The following OR5H15 variants were observed in gnomAD, a reference collection of about 807,000 sequenced individuals.
OR5H15 encodes olfactory receptor 5H15.
For synonymous variants in OR5H15, 153 were observed against 129.1 expected, an observed-to-expected ratio of 1.19 and a Z score of -1.26; for missense variants, 405 against 366.1, an observed-to-expected ratio of 1.11 and a Z score of -0.87.
Position 98,169,238 on chromosome 3 carries a change from A to G in OR5H15, c.539A>G (p.Asp180Gly). 4 of 1,611,542 alleles carry G rather than the reference A, an allele frequency of 2.5e-6. No individual in the cohort carries two copies. The highest frequency in any genetic ancestry group is 3.4e-6 in the Non-Finnish European group (4 of 1,178,224). Residue 180 changes from aspartate to glycine, a missense_variant, in exon 2 of 2, where the codon GAC becomes GGC. By Grantham distance (94) the Asp-to-Gly change is moderately conservative. Coordinates refer to ENST00000641450, the MANE Select transcript of OR5H15 (RefSeq NM_001005515.2). ...AACATAGTACATCACATTTACTGTGACACTATCCCATTGTCTAAGATTTCT... is the reference window on the plus strand; with the variant it reads ...AACATAGTACATCACATTTACTGTGGCACTATCCCATTGTCTAAGATTTCT... ...NSNIVHHIYC[D>G]TIPLSKISCT...
intron 1 of OR5H15, among the ~76,000 whole-genome samples, chr3:98,168,295 G>T (rs571054563): frequency 2.4e-4 from 36 of 151,886 alleles, no homozygotes; most frequent in Admixed American, 2.4e-3. Context: ...CATGCTTAAC[G>T]TATAAAGAAT....
In OR5H15 at chr3:98,169,100, C is replaced by A. The variant is rs528440606; in HGVS notation, c.401C>A (p.Ala134Asp). 2 of 1,608,744 alleles carry A rather than the reference C, an allele frequency of 1.2e-6. No homozygotes were observed. Among genetic ancestry groups the A allele is most frequent in the Non-Finnish European group, 1.7e-6 (2 of 1,179,468 alleles). The change falls in exon 2 of 2, where the codon GCC becomes GAC. Residue 134 changes from alanine to aspartate, a missense_variant. By Grantham distance (126) the Ala-to-Asp change is moderately radical (BLOSUM62 -2). Transcript: ENST00000641450. ...ATATGCAAACCTTTACTTTATCCAGCCATTATGACCAATGGACTGTGCATC... is the reference window on the plus strand; with the variant it reads ...ATATGCAAACCTTTACTTTATCCAGACATTATGACCAATGGACTGTGCATC... ...VAICKPLLYP[A>D]IMTNGLCIRL...
chr3:98,169,451 A>G lies in OR5H15; in HGVS notation c.752A>G (p.Tyr251Cys). 6.2e-7 allele frequency: 1 copy of G among 1,613,520 alleles called. No individual in the cohort carries two copies. Among genetic ancestry groups the G allele is most frequent in the Non-Finnish European group, 8.5e-7 (1 of 1,179,726 alleles). The change falls in exon 2 of 2, where the codon TAC becomes TGC. Residue 251 changes from tyrosine to cysteine, a missense_variant. Transcript: ENST00000641450. Reference sequence around the variant, plus strand: ...GCCCATCTCTTCTCTGTCTGTTTATACTATGGCCCCCTTCTCTTAATGTAT... The same window carrying G: ...GCCCATCTCTTCTCTGTCTGTTTATGCTATGGCCCCCTTCTCTTAATGTAT... ...CGAHLFSVCL[Y>C]YGPLLLMYVG...
chr3:98,169,043 T>A lies in OR5H15; in HGVS notation c.344T>A (p.Leu115Ter). The A allele has an allele frequency of 1.2e-6, 2 of 1,613,672 alleles. No homozygotes were observed. Among genetic ancestry groups the A allele is most frequent in the South Asian group, 1.1e-5 (1 of 91,074 alleles). The change falls in exon 2 of 2, where the codon TTG becomes TAG. Residue 115 changes from leucine (L) to a stop codon, truncating the protein, a stop_gained. Coordinates refer to ENST00000641450, the MANE Select transcript of OR5H15 (RefSeq NM_001005515.2). LOFTEE classifies it low-confidence loss of function (END_TRUNC). The part of the protein sequence containing the change: ...AIGVTTECFL[L>*]ATMAYDRYVA... ...GGCGTAACCACAGAATGTTTTCTCT[T>A]GGCAACAATGGCATATGATCGCTAT...
rs143179731 is a variant in OR5H15, at chr3:98,169,572, T to C, written c.873T>C (p.Ser291=). 4.1e-3 allele frequency: 6,570 copies of C among 1,610,632 alleles called. 30 individuals are homozygous for C. The highest frequency in any genetic ancestry group is 4.3e-3 in the Non-Finnish European group (5,086 of 1,177,336). The change falls in exon 2 of 2, where the codon AGT becomes AGC. Residue 291 remains serine (S), a synonymous_variant. Coordinates refer to ENST00000641450, the MANE Select transcript of OR5H15 (RefSeq NM_001005515.2). Reference sequence around the variant, plus strand: ...CTTTGTTAAATCCTATCATCTACAGTCTGAGAAATAAGCAAGTCATAGTTT... The same window carrying C: ...CTTTGTTAAATCCTATCATCTACAGCCTGAGAAATAAGCAAGTCATAGTTT... ...IIPLLNPIIY[S]LRNKQVIVSF...
In OR5H15 at chr3:98,166,786, G is replaced by A. The variant is rs1708723610; in HGVS notation, c.-64G>A. The A allele has an allele frequency of 6.6e-6, 1 of 152,066 alleles. No homozygotes were observed. Among genetic ancestry groups the A allele is most frequent in the Non-Finnish European group, 1.5e-5 (1 of 67,998 alleles). The allele number at this position is 152,066 out of a possible 1,614,324, so 9.4% of individuals were successfully genotyped here. ...TACTGTATGTATTTCGGTTTTAGAA[G>A]GCGTAACACATTTAAAGGATATCCA... On this transcript the variant is annotated 5_prime_UTR_variant, in exon 1 of 2. Transcript: ENST00000641450.
At chr3:98,168,249 A>C (rs1033034738) in intron 1 of OR5H15, among the ~76,000 whole-genome samples, 5 of 152,078 alleles carry the variant, frequency 3.3e-5, no homozygotes, top group Non-Finnish European at 7.4e-5. Context: ...TTAAAAATAT[A>C]TTAGAATATA....
chr3:98,168,625 T>C, intron 1 of OR5H15, 57 bp from the exon 2 acceptor site: 2 of 1,563,360 alleles, frequency 1.3e-6, no homozygotes, highest in Non-Finnish European at 1.7e-6. Flanking sequence ...TCTTCCCCAA[T>C]TTCAACTCAT....
At chr3:98,168,646 C>G (rs1708754130) in intron 1 of OR5H15, 36 bp from the exon 2 acceptor site, 2 of 1,588,034 alleles carry the variant, frequency 1.3e-6, no homozygotes, top group Admixed American at 1.7e-5. Flanking sequence ...AATGTCATTG[C>G]AAATCTTCCC....
intron 1 of OR5H15, among the ~76,000 whole-genome samples, chr3:98,168,131 T>G (rs1388218642): frequency 6.6e-6 from 1 of 152,088 alleles, no homozygotes; most frequent in Non-Finnish European, 1.5e-5. Flanking sequence ...TTTTTATGTG[T>G]AATGTGATTT....
chr3:98,168,247 A>C (rs1000184884), intron 1 of OR5H15, among the ~76,000 whole-genome samples: 1 of 152,092 alleles, frequency 6.6e-6, no homozygotes, highest in Non-Finnish European at 1.5e-5. Flanking sequence ...ATTTAAAAAT[A>C]TATTAGAATA....
chr3:98,168,511 T>G (rs1303814270), intron 1 of OR5H15, among the ~76,000 whole-genome samples, 171 bp from the exon 2 acceptor site: 4 of 152,066 alleles, frequency 2.6e-5, no homozygotes, highest in African/African-American at 9.7e-5. Flanking sequence ...AACCAAAATA[T>G]ATCATTTTCA....
chr3:98,168,397 G>C (rs1050560793), intron 1 of OR5H15, among the ~76,000 whole-genome samples: 3 of 152,006 alleles, frequency 2.0e-5, no homozygotes, highest in Non-Finnish European at 4.4e-5. Context: ...TGATGGGCCA[G>C]ACACACAATT....
chr3:98,168,581 G>A lies in OR5H15; in HGVS notation c.-18-101G>A, dbSNP rs149307831. On this transcript the variant is annotated intron_variant, in intron 1 of 1. Transcript: ENST00000641450. ...TGTAGGACTGATCAAAAAATTGAGA[G>A]GGTTCTGATCATTTTAGGGTTTATT... The A allele has an allele frequency of 2.0e-4, 265 of 1,300,202 alleles. 3 individuals are homozygous for A. In the East Asian group the frequency reaches 6.2e-3, roughly 30 times the overall value. The allele number at this position is 1,300,202 out of a possible 1,614,324, so 80.5% of individuals were successfully genotyped here.
intron 1 of OR5H15, 42 bp from the exon 2 acceptor site, chr3:98,168,640 T>C (rs1270059330): frequency 1.4e-5 from 22 of 1,571,968 alleles, no homozygotes; most frequent in South Asian, 3.4e-5. Context: ...ACTCATAATG[T>C]CATTGCAAAT....
Position 98,169,017 on chromosome 3 carries a change from T to G in OR5H15, c.318T>G (p.Ile106Met), listed in dbSNP as rs996066385. The stretch of plus-strand genomic sequence containing the variant: ...AGATACAATTTTTTTCCATTGCAAT[T>G]GGCGTAACCACAGAATGTTTTCTCT... ...ECKIQFFSIAIGVTTECFLLA... is the reference protein window; with the variant it reads ...ECKIQFFSIAMGVTTECFLLA... Residue 106 changes from isoleucine (I) to methionine (M), a missense_variant, in exon 2 of 2, where the codon ATT becomes ATG. Coordinates refer to ENST00000641450, the MANE Select transcript of OR5H15 (RefSeq NM_001005515.2). 6.2e-7 allele frequency: 1 copy of G among 1,613,626 alleles called. No individual in the cohort carries two copies. Among genetic ancestry groups the G allele is most frequent in the Non-Finnish European group, 8.5e-7 (1 of 1,179,656 alleles).
chr3:98,167,025 T>A (rs1708725716), intron 1 of OR5H15, among the ~76,000 whole-genome samples, 194 bp downstream of exon 1: 1 of 152,110 alleles, frequency 6.6e-6, no homozygotes, highest in Non-Finnish European at 1.5e-5. Flanking sequence ...GTTGTAAGAC[T>A]GAATTATTCT....
intron 1 of OR5H15, among the ~76,000 whole-genome samples, chr3:98,167,413 G>A (rs1468445647): frequency 6.6e-6 from 1 of 150,908 alleles, no homozygotes; most frequent in Non-Finnish European, 1.5e-5. Context: ...TCCAAATGTA[G>A]GATCAGTGTG....
At position 98,169,043 on chromosome 3, in the gene OR5H15, T is replaced by C. The variant is rs374110316; in HGVS notation, c.344T>C (p.Leu115Ser). 5 of 1,613,550 alleles carry C rather than the reference T, an allele frequency of 3.1e-6. No individual in the cohort carries two copies. The highest frequency in any genetic ancestry group is 3.3e-5 in the Admixed American group (2 of 59,964). ...GGCGTAACCACAGAATGTTTTCTCT[T>C]GGCAACAATGGCATATGATCGCTAT... ...AIGVTTECFL[L>S]ATMAYDRYVA... is the part of the protein sequence containing the mutation. The change falls in exon 2 of 2, where the codon TTG becomes TCG. Residue 115 changes from leucine (L) to serine (S), a missense_variant. Leu to Ser is a moderately radical substitution (Grantham distance 145, BLOSUM62 -2). Transcript: ENST00000641450.
Sources: gnomAD v4.1 joint callset for allele counts (sites outside exome capture counted in the v4.1 genomes callset) on GRCh38, gnomAD v4.1.1 for gene constraint, MANE v1.5 for transcripts, NCBI Gene and HGNC (gene_info 2026-07-23, HGNC 2026-07-21) for gene names.